The following PLCB1 variants were observed in gnomAD, a reference collection of about 807,000 sequenced individuals.
The protein encoded by PLCB1 is phospholipase C beta 1, also known as 1-phosphatidylinositol 4,5-bisphosphate phosphodiesterase beta-1.
A neutral mutation model predicts 161.8 loss-of-function variants in PLCB1; 46 were observed. That is an observed-to-expected ratio of 0.28 (90% CI 0.22 to 0.36). The LOEUF is 0.36. PLCB1 is among the 10% of genes least tolerant of loss of function. PLCB1 has a pLI of 1.00. For synonymous variants in PLCB1, 517 were observed against 503.7 expected, an observed-to-expected ratio of 1.03 and a Z score of -0.35; for missense variants, 1,016 against 1,472.5, an observed-to-expected ratio of 0.69 and a Z score of 5.07.
chr20:8,245,534 G>A (rs1294972870), intron 2 of PLCB1, among the ~76,000 whole-genome samples: 1 of 151,824 alleles, frequency 6.6e-6, no homozygotes, highest in Non-Finnish European at 1.5e-5. Context: ...TTGTTTATAG[G>A]TTTTGGTTGG....
chr20:8,136,559 G>A (rs1295889911), intron 1 of PLCB1, among the ~76,000 whole-genome samples: 3 of 151,334 alleles, frequency 2.0e-5, no homozygotes, highest in African/African-American at 4.9e-5. Flanking sequence ...CTGGGAGGCG[G>A]AGCTTGCAGT....
chr20:8,523,014 C>T (rs189894639), intron 3 of PLCB1, among the ~76,000 whole-genome samples: 1 of 152,164 alleles, frequency 6.6e-6, no homozygotes, highest in Non-Finnish European at 1.5e-5. Context: ...AAATGTTGGC[C>T]ATAGAGCATG....
At chr20:8,490,861 CATAT>C (rs111442214) in intron 3 of PLCB1, among the ~76,000 whole-genome samples, 20 of 141,832 alleles carry the variant, frequency 1.4e-4, no homozygotes, top group African/African-American at 5.0e-4. Context: ...TATATATAGG[CATAT>C]ATATATATAT....
chr20:8,666,688 A>G (rs1276899559), intron 9 of PLCB1, among the ~76,000 whole-genome samples: 3 of 152,358 alleles, frequency 2.0e-5, no homozygotes, highest in Non-Finnish European at 4.4e-5. Context: ...ACTTGCTTAG[A>G]AAAAAGTTGC....
chr20:8,238,552 C>G (rs777923073), intron 2 of PLCB1, among the ~76,000 whole-genome samples: 1 of 151,594 alleles, frequency 6.6e-6, no homozygotes, highest in Non-Finnish European at 1.5e-5. Context: ...CTCAGAAGAG[C>G]TAGACAGAAG....
intron 3 of PLCB1, among the ~76,000 whole-genome samples, chr20:8,488,750 CATCAT>C (rs991634702): frequency 5.9e-5 from 9 of 152,162 alleles, no homozygotes; most frequent in African/African-American, 2.2e-4. Context: ...TTCATCATAA[CATCAT>C]ATCAAAGTGT....
At chr20:8,821,583 G>A (rs1985424535) in intron 31 of PLCB1, among the ~76,000 whole-genome samples, 1 of 137,378 alleles carries the variant, frequency 7.3e-6, no homozygotes, top group African/African-American at 2.7e-5. Flanking sequence ...TAAAAATGGA[G>A]GGAGGAGAGT....
intron 2 of PLCB1, among the ~76,000 whole-genome samples, chr20:8,346,571 C>T (rs1986005775): frequency 6.6e-6 from 1 of 152,184 alleles, no homozygotes; most frequent in Non-Finnish European, 1.5e-5. Flanking sequence ...CTGTTAAATA[C>T]ACACTGCCTT....
chr20:8,374,972 G>C (rs1987025957), intron 3 of PLCB1, among the ~76,000 whole-genome samples: 1 of 152,066 alleles, frequency 6.6e-6, no homozygotes, highest in Non-Finnish European at 1.5e-5. Context: ...GCTGTGATTT[G>C]AAATAACATT....
chr20:8,593,352 C>CGTGT (rs542015201), intron 3 of PLCB1, among the ~76,000 whole-genome samples: 3 of 149,910 alleles, frequency 2.0e-5, no homozygotes, highest in African/African-American at 7.3e-5. Flanking sequence ...TGTGTGTGCG[C>CGTGT]GTGTGTGTGT....
At chr20:8,633,092 G>A (rs1988648100) in intron 4 of PLCB1, among the ~76,000 whole-genome samples, 1 of 128,668 alleles carries the variant, frequency 7.8e-6, no homozygotes, top group African/African-American at 2.9e-5. Context: ...ATCCAAATTT[G>A]CATGTATGTA....
intron 2 of PLCB1, among the ~76,000 whole-genome samples, chr20:8,310,700 T>A (rs1187620520): frequency 2.6e-5 from 4 of 152,148 alleles, no homozygotes; most frequent in Non-Finnish European, 5.9e-5. Context: ...CCCAGATAGT[T>A]TTTCAGTCCT....
At chr20:8,650,472 C>T (rs989268348) in intron 7 of PLCB1, among the ~76,000 whole-genome samples, 3 of 152,196 alleles carry the variant, frequency 2.0e-5, no homozygotes, top group Non-Finnish European at 4.4e-5. Flanking sequence ...AACCTCAAAA[C>T]TGCCTGAGCT....
At chr20:8,647,667 G>A (rs1204687640) in intron 5 of PLCB1, among the ~76,000 whole-genome samples, 2 of 152,170 alleles carry the variant, frequency 1.3e-5, no homozygotes, top group Non-Finnish European at 2.9e-5. Context: ...TATGCTATTT[G>A]TAGTCAGGAT....
intron 9 of PLCB1, among the ~76,000 whole-genome samples, chr20:8,664,236 G>A (rs886336019): frequency 9.9e-5 from 15 of 152,136 alleles, no homozygotes; most frequent in Non-Finnish European, 1.8e-4. Context: ...ATACAAAAGC[G>A]TCCCCACTTT....
chr20:8,497,886 T>G (rs192156257), intron 3 of PLCB1, among the ~76,000 whole-genome samples: 7 of 152,312 alleles, frequency 4.6e-5, no homozygotes, highest in Admixed American at 4.6e-4. Context: ...TAGGGAGTGT[T>G]CATTTTTAAC....
intron 9 of PLCB1, among the ~76,000 whole-genome samples, chr20:8,678,668 A>G (rs905010646): frequency 2.6e-5 from 4 of 151,982 alleles, no homozygotes; most frequent in African/African-American, 9.7e-5. Flanking sequence ...CCCCTTGGTG[A>G]CTCCACACAC....
intron 3 of PLCB1, among the ~76,000 whole-genome samples, chr20:8,547,383 C>G (rs1029768141): frequency 6.6e-6 from 1 of 152,068 alleles, no homozygotes; most frequent in Non-Finnish European, 1.5e-5. Context: ...CTCATAATAC[C>G]TCAAGCTGAG....
At chr20:8,259,853 C>T (rs1284223384) in intron 2 of PLCB1, among the ~76,000 whole-genome samples, 7 of 152,056 alleles carry the variant, frequency 4.6e-5, no homozygotes, top group Admixed American at 4.6e-4. Context: ...CAGAGGATCC[C>T]GTGTTACCTG....
Sources: gnomAD v4.1 joint callset for allele counts (sites outside exome capture counted in the v4.1 genomes callset) on GRCh38, gnomAD v4.1.1 for gene constraint, MANE v1.5 for transcripts, NCBI Gene and HGNC (gene_info 2026-07-23, HGNC 2026-07-21) for gene names.